Variants in MAN1A2 observed in about 807,000 individuals in gnomAD.
MAN1A2 encodes mannosyl-oligosaccharide 1,2-alpha-mannosidase IB.
In MAN1A2, 26 loss-of-function variants were observed where a neutral mutation model predicts 75.7. The ratio of observed to expected loss-of-function variants is 0.34; its 90% CI spans 0.25 to 0.48. The LOEUF (loss-of-function observed/expected upper bound fraction) is 0.48, where lower values mean the gene tolerates loss of function less well. Ranked by LOEUF, MAN1A2 falls within the 20% of genes least tolerant of loss-of-function variation. MAN1A2 has a pLI of 0.99. For synonymous variants in MAN1A2, 247 were observed against 264.6 expected, an observed-to-expected ratio of 0.93 and a Z score of 0.65; for missense variants, 562 against 775.5, an observed-to-expected ratio of 0.72 and a Z score of 3.27.
intron 4 of MAN1A2, among the ~76,000 whole-genome samples, chr1:117,416,057 A>G (rs1255383093): frequency 1.3e-5 from 2 of 151,940 alleles, no homozygotes; most frequent in Non-Finnish European, 2.9e-5. Context: ...ATATTTTCTT[A>G]TATTTTATTC....
At position 117,493,164 on chromosome 1, in the gene MAN1A2, G is replaced by A; in HGVS notation, c.1186G>A (p.Gly396Ser). The A allele has an allele frequency of 1.2e-6, 2 of 1,607,776 alleles. No individual in the cohort carries two copies. Among genetic ancestry groups the A allele is most frequent in the Non-Finnish European group, 1.7e-6 (2 of 1,175,038 alleles). The change falls in exon 9 of 13, where the codon GGC becomes AGC. Residue 396 changes from glycine to serine, a missense_variant. Around this residue, in one of 2 missense-constraint regions of MAN1A2, gnomAD observed 434 missense variants for 645.7 expected, o/e 0.67. Coordinates refer to ENST00000356554, the MANE Select transcript of MAN1A2 (RefSeq NM_006699.5). ...TGTTACAGATCATACATCTGTCGGT[G>A]GCCTGGGAGACAGTTTTTATGAATA... ...RWGQYHTSVG[G>S]LGDSFYEYLL...
chr1:117,413,618 A>G (rs1647892475), intron 3 of MAN1A2, among the ~76,000 whole-genome samples: 1 of 151,982 alleles, frequency 6.6e-6, no homozygotes, highest in Non-Finnish European at 1.5e-5. Flanking sequence ...TGTAGAGTTG[A>G]TGGGTCTTTA....
Position 117,437,947 on chromosome 1 carries a change from A to G in MAN1A2, c.856-4284A>G, listed in dbSNP as rs186898473. Among the ~76,000 whole-genome samples, 6 of 152,344 alleles carry G rather than the reference A, an allele frequency of 3.9e-5. No homozygotes were observed. In the East Asian group the frequency reaches 1.2e-3, roughly 29 times the overall value. On this transcript the variant is annotated intron_variant, in intron 5 of 12. Coordinates refer to ENST00000356554, the MANE Select transcript of MAN1A2 (RefSeq NM_006699.5). ...TCAACACTTGTTGAGCATCTGCTAT[A>G]TGCTAGGCACTCTTCTAAGCATTGA...
chr1:117,477,371 C>T (rs1030161503), intron 8 of MAN1A2, among the ~76,000 whole-genome samples: 1 of 151,872 alleles, frequency 6.6e-6, no homozygotes, highest in Non-Finnish European at 1.5e-5. Flanking sequence ...TGATGAACAT[C>T]GATGCAAAAA....
intron 2 of MAN1A2, among the ~76,000 whole-genome samples, chr1:117,402,749 T>C (rs977522651): frequency 3.3e-5 from 5 of 152,192 alleles, no homozygotes; most frequent in South Asian, 2.1e-4. Context: ...ATATAACTTA[T>C]TGTCTAAGCA....
intron 1 of MAN1A2, among the ~76,000 whole-genome samples, chr1:117,389,647 T>C (rs547073447): frequency 6.6e-6 from 1 of 152,320 alleles, no homozygotes; most frequent in South Asian, 2.1e-4. Context: ...AGTATTTTTT[T>C]CATTATGTGT....
chr1:117,440,462 T>A (rs1471964174), intron 5 of MAN1A2, among the ~76,000 whole-genome samples: 1 of 152,182 alleles, frequency 6.6e-6, no homozygotes, highest in Non-Finnish European at 1.5e-5. Flanking sequence ...AATTTGCAGT[T>A]GCCTACCAAA....
At chr1:117,409,585 T>C (rs899205065) in intron 3 of MAN1A2, among the ~76,000 whole-genome samples, 1 of 152,094 alleles carries the variant, frequency 6.6e-6, no homozygotes, top group South Asian at 2.1e-4. Context: ...TAGATCCCAT[T>C]GGTTAATGGG....
At chr1:117,489,332 C>T (rs1650807356) in intron 8 of MAN1A2, among the ~76,000 whole-genome samples, 1 of 152,000 alleles carries the variant, frequency 6.6e-6, no homozygotes, top group Admixed American at 6.6e-5. Context: ...AACTGGGAAC[C>T]ATAATCTTGC....
rs1464602443 is a variant in MAN1A2, at chr1:117,378,950, C to G, written c.302+10465C>G. Among the ~76,000 whole-genome samples the G allele has an allele frequency of 2.0e-5, 3 of 152,144 alleles. No individual in the cohort carries two copies. The East Asian group carries it at 5.8e-4, about 29-fold the overall frequency. On this transcript the variant is annotated intron_variant, in intron 1 of 12. Coordinates refer to ENST00000356554, the MANE Select transcript of MAN1A2 (RefSeq NM_006699.5). ...ATGAATTCTGTGTTAATATGCATTA[C>G]ACATTTCCTCCTGTGAATACCTTAT...
chr1:117,449,507 T>C (rs1649339590), intron 6 of MAN1A2, among the ~76,000 whole-genome samples: 2 of 148,736 alleles, frequency 1.3e-5, no homozygotes, highest in South Asian at 4.2e-4. Flanking sequence ...TGCAGTGAGC[T>C]GAGATCCTGC....
intron 5 of MAN1A2, among the ~76,000 whole-genome samples, chr1:117,434,237 AAT>A (rs1648774249): frequency 1.3e-5 from 2 of 152,290 alleles, no homozygotes; most frequent in Admixed American, 1.3e-4. Flanking sequence ...TTCTGTCTGT[AAT>A]AGTCTCTCAC....
At chr1:117,514,944 A>G in intron 12 of MAN1A2, 1 of 528,836 alleles carries the variant, frequency 1.9e-6, no homozygotes, top group Admixed American at 2.0e-5. Flanking sequence ...TTACTCCTGG[A>G]GACAAGCTAA....
chr1:117,510,123 G>A (rs1283112629), intron 12 of MAN1A2, among the ~76,000 whole-genome samples: 1 of 151,738 alleles, frequency 6.6e-6, no homozygotes, highest in Non-Finnish European at 1.5e-5. Flanking sequence ...ATAGAACTTG[G>A]TTCTGTTTTT....
intron 8 of MAN1A2, among the ~76,000 whole-genome samples, chr1:117,481,998 A>G (rs1650512811): frequency 6.6e-6 from 1 of 151,876 alleles, no homozygotes; most frequent in Non-Finnish European, 1.5e-5. Context: ...TATTGGTGAC[A>G]TCCAAATCAG....
chr1:117,437,904 C>G (rs1648896194), intron 5 of MAN1A2, among the ~76,000 whole-genome samples: 1 of 152,136 alleles, frequency 6.6e-6, no homozygotes, highest in African/African-American at 2.4e-5. Flanking sequence ...TAAATCTCCA[C>G]CTTTTGTCTT....
intron 1 of MAN1A2, among the ~76,000 whole-genome samples, chr1:117,387,839 C>G (rs1370977697): frequency 3.3e-5 from 5 of 152,136 alleles, no homozygotes; most frequent in Non-Finnish European, 7.3e-5. Context: ...TGTGTGTCCT[C>G]TCATGGTCTT....
At chr1:117,371,521 G>A (rs181845670) in intron 1 of MAN1A2, among the ~76,000 whole-genome samples, 1 of 152,232 alleles carries the variant, frequency 6.6e-6, no homozygotes, top group Admixed American at 6.5e-5. Context: ...CCTCAGAAAC[G>A]TAGAATGAGT....
intron 8 of MAN1A2, among the ~76,000 whole-genome samples, chr1:117,467,889 T>C (rs1650029457): frequency 6.6e-6 from 1 of 152,098 alleles, no homozygotes; most frequent in African/African-American, 2.4e-5. Context: ...CTATATGGTA[T>C]TACTATTTAA....
Sources: gnomAD v4.1 joint callset for allele counts (sites outside exome capture counted in the v4.1 genomes callset) on GRCh38, gnomAD v4.1.1 for gene constraint, gnomAD v4.1.1 regional missense constraint, MANE v1.5 for transcripts, NCBI Gene and HGNC (gene_info 2026-07-23, HGNC 2026-07-21) for gene names.